The following ADGRV1 variants were observed in gnomAD, a reference collection of about 807,000 sequenced individuals.
The protein encoded by ADGRV1 is G-protein coupled receptor 98.
A neutral mutation model predicts 596.2 loss-of-function variants in ADGRV1; 359 were observed. The observed-to-expected ratio is 0.60, with a 90% CI of 0.55 to 0.66. ADGRV1 has a LOEUF of 0.66. Among genes scored for constraint, ADGRV1 ranks in the 30% least tolerant of loss-of-function variants. The pLI is 0.00. For missense variants in ADGRV1, 7,274 were observed against 7,575.6 expected (o/e 0.96, Z 1.48); for synonymous variants, 2,681 against 2,679.2 (o/e 1.00, Z -0.02).
Position 91,013,331 on chromosome 5 carries a change from A to T in ADGRV1, c.18152+27809A>T, listed in dbSNP as rs909738124. ...TGGACTAATTTACATTAGCACCAAC[A>T]GTGTATAATTGTCCCCTTTTCTTGG... On this transcript the variant is annotated intron_variant, in intron 85 of 89. Transcript: ENST00000405460. 3.9e-5 allele frequency among the ~76,000 whole-genome samples: 6 copies of T among 152,262 alleles called. No individual in the cohort carries two copies. In the East Asian group the frequency reaches 7.7e-4, roughly 20 times the overall value.
At chr5:91,022,909 T>G (rs1783758076) in intron 85 of ADGRV1, among the ~76,000 whole-genome samples, 1 of 152,168 alleles carries the variant, frequency 6.6e-6, no homozygotes, top group South Asian at 2.1e-4. Context: ...TAAAATGTCA[T>G]ATTTAAAGGA....
At chr5:91,001,133 A>C (rs1781823569) in intron 85 of ADGRV1, among the ~76,000 whole-genome samples, 1 of 152,216 alleles carries the variant, frequency 6.6e-6, no homozygotes, top group South Asian at 2.1e-4. Flanking sequence ...GCTGGAGTGC[A>C]GTGGTGCAGT....
At chr5:90,745,846 G>C in intron 52 of ADGRV1, 51 bp downstream of exon 52, 1 of 1,030,580 alleles carries the variant, frequency 9.7e-7, no homozygotes, top group Non-Finnish European at 1.5e-6. Flanking sequence ...TTTATTTATT[G>C]TATTTGTGTA....
intron 89 of ADGRV1, among the ~76,000 whole-genome samples, chr5:91,157,228 AC>A (rs1216181076): frequency 6.6e-6 from 1 of 151,990 alleles, no homozygotes; most frequent in Admixed American, 6.6e-5. Context: ...TTTCATTTGA[AC>A]CCCTAAACAA....
intron 85 of ADGRV1, among the ~76,000 whole-genome samples, chr5:90,989,927 C>T (rs1291958166): frequency 6.6e-6 from 1 of 152,276 alleles, no homozygotes; most frequent in East Asian, 1.9e-4. Flanking sequence ...AGTGATTCTC[C>T]TGCCTCAGCC....
chr5:90,985,605 G>C (rs376461635), intron 85 of ADGRV1, 83 bp downstream of exon 85: 104 of 970,462 alleles, frequency 1.1e-4, no homozygotes, highest in Middle Eastern at 8.6e-4. Flanking sequence ...GATTGAATAA[G>C]TACCAGGAAG....
At chr5:90,875,235 T>C (rs1055456165) in intron 83 of ADGRV1, among the ~76,000 whole-genome samples, 4 of 152,224 alleles carry the variant, frequency 2.6e-5, no homozygotes, top group Admixed American at 1.3e-4. Context: ...TATTCTTAAA[T>C]GTAATCTGTA....
intron 32 of ADGRV1, among the ~76,000 whole-genome samples, chr5:90,693,257 C>A (rs1055059099): frequency 6.6e-6 from 1 of 150,426 alleles, no homozygotes; most frequent in African/African-American, 2.5e-5. Context: ...GATTGCAGGT[C>A]CTTGGATATA....
At chr5:90,608,436 T>C (rs1762361932) in intron 1 of ADGRV1, among the ~76,000 whole-genome samples, 1 of 151,954 alleles carries the variant, frequency 6.6e-6, no homozygotes, top group Admixed American at 6.6e-5. Context: ...ACACAAACAA[T>C]CAGAACGGGT....
chr5:90,687,856 C>T (rs1466455634), intron 29 of ADGRV1, among the ~76,000 whole-genome samples: 2 of 152,038 alleles, frequency 1.3e-5, no homozygotes, highest in Non-Finnish European at 2.9e-5. Flanking sequence ...CGTGAAGGAC[C>T]TCTTCAAGGA....
At chr5:90,977,436 A>G (rs1278362290) in intron 84 of ADGRV1, among the ~76,000 whole-genome samples, 2 of 152,240 alleles carry the variant, frequency 1.3e-5, no homozygotes, top group African/African-American at 2.4e-5. Context: ...CTATTAAACA[A>G]CAGTCAGGAT....
intron 76 of ADGRV1, among the ~76,000 whole-genome samples, chr5:90,828,728 C>G (rs2150319636): frequency 6.6e-6 from 1 of 151,556 alleles, no homozygotes; most frequent in East Asian, 1.9e-4. Flanking sequence ...AGAAGCTCGC[C>G]CAGAGAAAGT....
intron 85 of ADGRV1, among the ~76,000 whole-genome samples, chr5:91,057,762 T>C (rs916828226): frequency 1.3e-5 from 2 of 152,222 alleles, no homozygotes. Context: ...TTGGGTTCAT[T>C]GCTCTTTCCT....
At position 90,708,901 on chromosome 5, in the gene ADGRV1, C is replaced by G; in HGVS notation, c.8816C>G (p.Pro2939Arg). 1 of 1,606,494 alleles carries G rather than the reference C, an allele frequency of 6.2e-7. No individual in the cohort carries two copies. Among genetic ancestry groups the G allele is most frequent in the Non-Finnish European group, 8.5e-7 (1 of 1,173,602 alleles). The change falls in exon 39 of 90, where the codon CCC becomes CGC. Residue 2939 changes from proline to arginine, a missense_variant. By Grantham distance (103) the Pro-to-Arg change is moderately radical. Coordinates refer to ENST00000405460, the MANE Select transcript of ADGRV1 (RefSeq NM_032119.4). ...LTMAASTSFPPRLDSEGLTAQ... is the reference protein window; with the variant it reads ...LTMAASTSFPRRLDSEGLTAQ... ...ATGGCTGCTTCAACTTCATTTCCTC[C>G]CAGACTAGGTATGAGGGGTTTCTTG...
At chr5:90,779,710 A>C (rs1758637095) in intron 64 of ADGRV1, 1 of 152,168 alleles carries the variant, frequency 6.6e-6, no homozygotes. Flanking sequence ...CATCTTTAGC[A>C]TGTTTAAGTA....
chr5:90,841,659 G>A (rs974386300), intron 78 of ADGRV1, among the ~76,000 whole-genome samples: 5 of 151,942 alleles, frequency 3.3e-5, no homozygotes, highest in Non-Finnish European at 5.9e-5. Flanking sequence ...TCCTTTGGAG[G>A]TTTACTTTGG....
chr5:90,922,159 G>A (rs187785257), intron 83 of ADGRV1, among the ~76,000 whole-genome samples: 32 of 152,064 alleles, frequency 2.1e-4, no homozygotes, highest in African/African-American at 7.2e-4. Context: ...TCTTTACCTC[G>A]TTTCACTGCC....
intron 28 of ADGRV1, among the ~76,000 whole-genome samples, 155 bp from the exon 29 acceptor site, chr5:90,685,625 A>AATAC (rs960414921): frequency 6.7e-6 from 1 of 149,744 alleles, no homozygotes; most frequent in Non-Finnish European, 1.5e-5. Context: ...TAAATAAATA[A>AATAC]ATAAATAAAT....
At position 90,822,693 on chromosome 5, in the gene ADGRV1, G is replaced by T. The variant is rs527828550; in HGVS notation, c.16197-732G>T. Among the ~76,000 whole-genome samples the T allele has an allele frequency of 2.0e-5, 3 of 152,170 alleles. No homozygotes were observed. The South Asian group carries it at 6.2e-4, about 32-fold the overall frequency. On this transcript the variant is annotated intron_variant, in intron 75 of 89. Coordinates refer to ENST00000405460, the MANE Select transcript of ADGRV1 (RefSeq NM_032119.4). ...AGTCATTGGTAGCTTGATGGGGTTGGCATTGAATCTATAAATTACCTTAAG... is the reference window on the plus strand; with the variant it reads ...AGTCATTGGTAGCTTGATGGGGTTGTCATTGAATCTATAAATTACCTTAAG...
Sources: gnomAD v4.1 joint callset for allele counts (sites outside exome capture counted in the v4.1 genomes callset) on GRCh38, gnomAD v4.1.1 for gene constraint, MANE v1.5 for transcripts, NCBI Gene and HGNC (gene_info 2026-07-23, HGNC 2026-07-21) for gene names.